OR52A5: variants seen among roughly 807,000 people sequenced by gnomAD.
OR52A5 encodes the protein olfactory receptor 52A5.
OR52A5 carries 16 observed loss-of-function variants against 18.2 expected under a neutral mutation model. The ratio of observed to expected loss-of-function variants is 0.88; its 90% CI spans 0.60 to 1.34. OR52A5 has a LOEUF of 1.34. Ranked by LOEUF, OR52A5 falls within the 40% of genes most tolerant of loss-of-function variation. The pLI is 0.00. For synonymous variants in OR52A5, 140 were observed against 137.2 expected (o/e 1.02, Z -0.14); for missense variants, 418 against 383.0 (o/e 1.09, Z -0.76).
chr11:5,129,516 T>C lies in OR52A5; in HGVS notation c.*2176A>G, dbSNP rs1476076915. On this transcript the variant is annotated 3_prime_UTR_variant, in exon 2 of 2. Coordinates refer to ENST00000307388, the MANE Select transcript of OR52A5 (RefSeq NM_001005160.3). ...TCTTTTTAAGATGTTCATTGCATCATAGTCAGGGCATATCAGTCTGACTCA... is the reference window on the plus strand; with the variant it reads ...TCTTTTTAAGATGTTCATTGCATCACAGTCAGGGCATATCAGTCTGACTCA... The C allele has an allele frequency of 3.9e-5, 6 of 152,116 alleles. No homozygotes were observed. The highest frequency in any genetic ancestry group is 7.2e-5 in the African/African-American group (3 of 41,426). 9.4% of individuals were successfully genotyped at this position (152,116 alleles called of 1,614,324 possible). A position where few individuals can be genotyped will look rare whatever the true frequency, so the allele number is the denominator to read the frequency against.
In OR52A5 at chr11:5,129,980, A is replaced by C. The variant is rs1846320103; in HGVS notation, c.*1712T>G. On this transcript the variant is annotated 3_prime_UTR_variant, in exon 2 of 2. Transcript: ENST00000307388. The stretch of plus-strand genomic sequence containing the variant: ...TAAATGGCTTGAAATGCCAACCCAC[A>C]GTCTAATTATGACACAAATTTTTCA... 1 of 152,094 alleles carries C rather than the reference A, an allele frequency of 6.6e-6. No individual in the cohort carries two copies. The highest frequency in any genetic ancestry group is 1.5e-5 in the Non-Finnish European group (1 of 68,022). The allele number at this position is 152,094 out of a possible 1,614,324, so 9.4% of individuals were successfully genotyped here.
chr11:5,135,455 A>G (rs1352082931), intron 1 of OR52A5, among the ~76,000 whole-genome samples: 2 of 152,172 alleles, frequency 1.3e-5, no homozygotes, highest in Non-Finnish European at 2.9e-5. Context: ...AAGTCCCTTC[A>G]ACCATTTGAA....
At position 5,128,802 on chromosome 11, in the gene OR52A5, C is replaced by G. The variant is rs2133520136; in HGVS notation, c.*2890G>C. 1 of 151,994 alleles carries G rather than the reference C, an allele frequency of 6.6e-6. No individual in the cohort carries two copies. The highest frequency in any genetic ancestry group is 2.1e-4 in the South Asian group (1 of 4,808). The allele number at this position is 151,994 out of a possible 1,614,324, so 9.4% of individuals were successfully genotyped here. A position where few individuals can be genotyped will look rare whatever the true frequency, so the allele number is the denominator to read the frequency against. On this transcript the variant is annotated 3_prime_UTR_variant, in exon 2 of 2. Coordinates refer to ENST00000307388, the MANE Select transcript of OR52A5 (RefSeq NM_001005160.3). The stretch of plus-strand genomic sequence containing the variant: ...GAAACAGAAAAGAGATTAGCAGTTG[C>G]TAAGACTGGAGATGGGGGGAGCAGA...
At chr11:5,138,065 T>C (rs1263909630) in intron 1 of OR52A5, 1 of 152,222 alleles carries the variant, frequency 6.6e-6, no homozygotes, top group Non-Finnish European at 1.5e-5. Context: ...ATTCTCTAGA[T>C]GTCCTCCCAT....
chr11:5,132,376 A>C lies in OR52A5; in HGVS notation c.267T>G (p.Phe89Leu). ...ILPKMLGIFW[F>L]HLPEISFDAC... ...CATCAAAAGAAATCTCTGGCAAATG[A>C]AACCAGAAGATGCCTAACATTTTGG... Residue 89 changes from phenylalanine to leucine, a missense_variant, in exon 2 of 2, where the codon TTT becomes TTG. Transcript: ENST00000307388. The C allele has an allele frequency of 1.9e-6, 3 of 1,614,230 alleles. No individual in the cohort carries two copies. The highest frequency in any genetic ancestry group is 2.5e-6 in the Non-Finnish European group (3 of 1,180,028).
At chr11:5,134,142 A>C (rs1846370317) in intron 1 of OR52A5, among the ~76,000 whole-genome samples, 1 of 152,236 alleles carries the variant, frequency 6.6e-6, no homozygotes, top group South Asian at 2.1e-4. Context: ...CTCTGCTTCA[A>C]GAAAATACTT....
Position 5,132,105 on chromosome 11 carries a change from A to C in OR52A5, c.538T>G (p.Ser180Ala). 3 of 1,614,180 alleles carry C rather than the reference A, an allele frequency of 1.9e-6. No individual in the cohort carries two copies. Among genetic ancestry groups the C allele is most frequent in the South Asian group, 1.1e-5 (1 of 91,078 alleles). The change falls in exon 2 of 2, where the codon TCT (serine) becomes GCT (alanine). Residue 180 changes from serine (S) to alanine (A), a missense_variant. Physicochemically the swap from Ser to Ala is moderately conservative, Grantham distance 99. Coordinates refer to ENST00000307388, the MANE Select transcript of OR52A5 (RefSeq NM_001005160.3). ...ACGATGGCCATGTGCTCACAGTAAGAGTGAGAGATGACTGTAGTTCGATAG... is the reference window on the plus strand; with the variant it reads ...ACGATGGCCATGTGCTCACAGTAAGCGTGAGAGATGACTGTAGTTCGATAG... ...KHYRTTVISHSYCEHMAIVKL... is the reference protein window; with the variant it reads ...KHYRTTVISHAYCEHMAIVKL...
chr11:5,134,000 G>A (rs1272740471), intron 1 of OR52A5, among the ~76,000 whole-genome samples: 1 of 152,024 alleles, frequency 6.6e-6, no homozygotes, highest in Non-Finnish European at 1.5e-5. Flanking sequence ...GCCCTTCACT[G>A]GTAACTCCAG....
chr11:5,132,458 T>C lies in OR52A5; in HGVS notation c.185A>G (p.Tyr62Cys). Reference sequence around the variant, plus strand: ...GGCTGCCAACATGGCCAAAAAAATGTACATGGGTATATGGAGGCTGTTTTC... The same window carrying C: ...GGCTGCCAACATGGCCAAAAAAATGCACATGGGTATATGGAGGCTGTTTTC... ...KYENSLHIPM[Y>C]IFLAMLAATD... The change falls in exon 2 of 2, where the codon TAC becomes TGC. Residue 62 changes from tyrosine (Y) to cysteine (C), a missense_variant. Physicochemically the swap from Tyr to Cys is radical, Grantham distance 194. Transcript: ENST00000307388. 6.2e-7 allele frequency: 1 copy of C among 1,614,172 alleles called. No individual in the cohort carries two copies. The highest frequency in any genetic ancestry group is 2.2e-5 in the East Asian group (1 of 44,886).
chr11:5,131,826 G>A lies in OR52A5; in HGVS notation c.817C>T (p.Pro273Ser). ...FTHRFGSHIP[P>S]YIHILLSNLY... ...TTTGACAAGAGGATATGAATATATG[G>A]TGGTATGTGTGAACCAAACCTGTGT... Residue 273 changes from proline (P) to serine (S), a missense_variant, in exon 2 of 2, where the codon CCA (proline) becomes TCA (serine). Coordinates refer to ENST00000307388, the MANE Select transcript of OR52A5 (RefSeq NM_001005160.3). The A allele has an allele frequency of 4.3e-6, 7 of 1,613,938 alleles. No individual in the cohort carries two copies. The highest frequency in any genetic ancestry group is 5.9e-6 in the Non-Finnish European group (7 of 1,179,788).
rs1318386812 is a variant in OR52A5, at chr11:5,130,728, G to A, written c.*964C>T. ...ATGATATGATTTTTTACATCAGAAC[G>A]TTTTACCATATTATTTCTTTCTTTG... On this transcript the variant is annotated 3_prime_UTR_variant, in exon 2 of 2. Coordinates refer to ENST00000307388, the MANE Select transcript of OR52A5 (RefSeq NM_001005160.3). 4 of 151,896 alleles carry A rather than the reference G, an allele frequency of 2.6e-5. No individual in the cohort carries two copies. Among genetic ancestry groups the A allele is most frequent in the South Asian group, 2.1e-4 (1 of 4,826 alleles). The allele number at this position is 151,896 out of a possible 1,614,324, so 9.4% of individuals were successfully genotyped here.
At chr11:5,136,164 C>G (rs979309074) in intron 1 of OR52A5, among the ~76,000 whole-genome samples, 1 of 152,108 alleles carries the variant, frequency 6.6e-6, no homozygotes, top group Admixed American at 6.5e-5. Flanking sequence ...CAAAAAGAGA[C>G]GATGAAGCAA....
At position 5,131,690 on chromosome 11, in the gene OR52A5, G is replaced by A. The variant is rs12289086; in HGVS notation, c.*2C>T. On this transcript the variant is annotated 3_prime_UTR_variant, in exon 2 of 2. Transcript: ENST00000307388. ...CTAAATCTCTATAGGAGTCACTAAC[G>A]ATCAAGTTACTTTTTTGAAGAAAAA... The A allele has an allele frequency of 0.092, 147,368 of 1,593,378 alleles. 7,872 individuals carry two copies. Among genetic ancestry groups the A allele is most frequent in the Non-Finnish European group, 0.11 (123,958 of 1,163,746 alleles).
intron 1 of OR52A5, among the ~76,000 whole-genome samples, chr11:5,137,550 G>C (rs1410484692): frequency 6.7e-6 from 1 of 149,032 alleles, no homozygotes; most frequent in Non-Finnish European, 1.5e-5. Flanking sequence ...GTGCCACATC[G>C]CAGGACAGCT....
chr11:5,132,895 A>C (rs1846355545), intron 1 of OR52A5, among the ~76,000 whole-genome samples, 193 bp from the exon 2 acceptor site: 1 of 152,184 alleles, frequency 6.6e-6, no homozygotes, highest in East Asian at 1.9e-4. Flanking sequence ...AATGGGCAAA[A>C]TTAAATGGAT....
In OR52A5 at chr11:5,129,801, T is replaced by G. The variant is rs1846317894; in HGVS notation, c.*1891A>C. 6.6e-6 allele frequency: 1 copy of G among 152,190 alleles called. No individual in the cohort carries two copies. Among genetic ancestry groups the G allele is most frequent in the East Asian group, 1.9e-4 (1 of 5,186 alleles). 9.4% of individuals were successfully genotyped at this position (152,190 alleles called of 1,614,324 possible). A position where few individuals can be genotyped will look rare whatever the true frequency, so the allele number is the denominator to read the frequency against. On this transcript the variant is annotated 3_prime_UTR_variant, in exon 2 of 2. Transcript: ENST00000307388. Reference sequence around the variant, plus strand: ...ACAGATCTGTGTGCTGACTGGGACCTAGCTGAAATCAGCTGGACCAGGTGC... The same window carrying G: ...ACAGATCTGTGTGCTGACTGGGACCGAGCTGAAATCAGCTGGACCAGGTGC...
intron 1 of OR52A5, among the ~76,000 whole-genome samples, chr11:5,136,599 T>A (rs1846394757): frequency 6.6e-6 from 1 of 152,172 alleles, no homozygotes; most frequent in Admixed American, 6.6e-5. Context: ...AAGCCCTTAA[T>A]TAAATAAAGA....
rs1466175980 is a variant in OR52A5, at chr11:5,132,518, A to G, written c.125T>C (p.Ile42Thr). 4 of 1,613,994 alleles carry G rather than the reference A, an allele frequency of 2.5e-6. No individual in the cohort carries two copies. The highest frequency in any genetic ancestry group is 1.7e-5 in the Admixed American group (1 of 60,020). ...TATAACTAAAATTAGGGAATTTCCAATCACACCAATAAGATACATGGCAGA... is the reference window on the plus strand; with the variant it reads ...TATAACTAAAATTAGGGAATTTCCAGTCACACCAATAAGATACATGGCAGA... ...PFSAMYLIGV[I>T]GNSLILVIIK... The change falls in exon 2 of 2, where the codon ATT (isoleucine) becomes ACT (threonine). Residue 42 changes from isoleucine (I) to threonine (T), a missense_variant. Transcript: ENST00000307388.
At position 5,130,472 on chromosome 11, in the gene OR52A5, C is replaced by A. The variant is rs1321935496; in HGVS notation, c.*1220G>T. 1.3e-5 allele frequency: 2 copies of A among 151,864 alleles called. No individual in the cohort carries two copies. The highest frequency in any genetic ancestry group is 4.8e-5 in the African/African-American group (2 of 41,376). The allele number at this position is 151,864 out of a possible 1,614,324, so 9.4% of individuals were successfully genotyped here. ...CCACTGAAATATTTAATGCTCTAATCCAGAATTAAAATGGTTATTTCATTA... is the reference window on the plus strand; with the variant it reads ...CCACTGAAATATTTAATGCTCTAATACAGAATTAAAATGGTTATTTCATTA... On this transcript the variant is annotated 3_prime_UTR_variant, in exon 2 of 2. Coordinates refer to ENST00000307388, the MANE Select transcript of OR52A5 (RefSeq NM_001005160.3).
Sources: gnomAD v4.1 joint callset for allele counts (sites outside exome capture counted in the v4.1 genomes callset) on GRCh38, gnomAD v4.1.1 for gene constraint, MANE v1.5 for transcripts, NCBI Gene and HGNC (gene_info 2026-07-23, HGNC 2026-07-21) for gene names.